GGA3: variants seen among roughly 807,000 people sequenced by gnomAD.
GGA3 encodes the protein golgi associated, gamma adaptin ear containing, ARF binding protein 3, also known as ADP-ribosylation factor-binding protein GGA3.
A neutral mutation model predicts 77.5 loss-of-function variants in GGA3; 57 were observed. The ratio of observed to expected loss-of-function variants is 0.74; its 90% CI spans 0.59 to 0.92. GGA3 has a LOEUF of 0.92. Among genes scored for constraint, GGA3 ranks in the 40% least tolerant of loss-of-function variants. GGA3 has a pLI of 0.00. For synonymous variants in GGA3, 416 were observed against 383.7 expected, an observed-to-expected ratio of 1.08 and a Z score of -0.98; for missense variants, 970 against 914.9, an observed-to-expected ratio of 1.06 and a Z score of -0.78.
At chr17:75,250,244 C>T (rs944564567) in intron 1 of GGA3, among the ~76,000 whole-genome samples, 2 of 152,212 alleles carry the variant, frequency 1.3e-5, no homozygotes, top group South Asian at 2.1e-4. Flanking sequence ...CTTGCCTTCC[C>T]GAACCGCCCC....
intron 1 of GGA3, among the ~76,000 whole-genome samples, chr17:75,252,800 C>T (rs935232681): frequency 1.3e-5 from 2 of 152,094 alleles, no homozygotes; most frequent in Non-Finnish European, 2.9e-5. Context: ...TTTGTAATCT[C>T]CCCCACCCTT....
intron 1 of GGA3, among the ~76,000 whole-genome samples, chr17:75,260,822 G>A (rs9302988): frequency 3.9e-4 from 59 of 151,640 alleles, no homozygotes; most frequent in Non-Finnish European, 1.3e-4. Context: ...ACAGCAATAC[G>A]CTTCTATAAC....
chr17:75,245,068 G>T (rs1378053363), intron 3 of GGA3, among the ~76,000 whole-genome samples: 1 of 152,224 alleles, frequency 6.6e-6, no homozygotes, highest in Non-Finnish European at 1.5e-5. Context: ...CAGGGACAAA[G>T]TTTCTCTGAC....
At chr17:75,246,195 G>T (rs976521084) in intron 3 of GGA3, among the ~76,000 whole-genome samples, 1 of 152,210 alleles carries the variant, frequency 6.6e-6, no homozygotes, top group Non-Finnish European at 1.5e-5. Context: ...TCTTCACCAA[G>T]CCTTCTCTTG....
At chr17:75,248,431 A>G (rs2076830424) in intron 1 of GGA3, among the ~76,000 whole-genome samples, 1 of 123,418 alleles carries the variant, frequency 8.1e-6, no homozygotes, top group African/African-American at 3.1e-5. Flanking sequence ...AGATCGCACC[A>G]CTGCATTCCA....
chr17:75,238,165 A>G lies in GGA3; in HGVS notation c.*114T>C. 1 of 1,495,638 alleles carries G rather than the reference A, an allele frequency of 6.7e-7. No individual in the cohort carries two copies. Among genetic ancestry groups the G allele is most frequent in the Non-Finnish European group, 8.9e-7 (1 of 1,124,438 alleles). The allele number at this position is 1,495,638 out of a possible 1,614,324, so 92.6% of individuals were successfully genotyped here. On this transcript the variant is annotated 3_prime_UTR_variant, in exon 17 of 17. Coordinates refer to ENST00000537686, the MANE Select transcript of GGA3 (RefSeq NM_138619.4). ...CAGAAATGCCCAGGGCCCCTGTTCC[A>G]CATCAAAGCTACAAGCACTGTTGTC...
chr17:75,239,994 G>A lies in GGA3; in HGVS notation c.1378C>T (p.Pro460Ser). Residue 460 changes from proline to serine, a missense_variant, in exon 13 of 17, where the codon CCA becomes TCA. Physicochemically the swap from Pro to Ser is moderately conservative, Grantham distance 74. Transcript: ENST00000537686. ...GGAGCTGGGAAGGGAGGCGGCAGTG[G>A]AGCTTGGGAGCTGCTTGAGGAGGGG... is the stretch of plus-strand genomic sequence containing the variant. ...SAPSSSSSQA[P>S]LPPPFPAPVV... 1 of 1,554,932 alleles carries A rather than the reference G, an allele frequency of 6.4e-7. No homozygotes were observed.
At chr17:75,239,125 G>A (rs377573773) in intron 14 of GGA3, 42 bp from the exon 15 acceptor site, 3 of 1,582,230 alleles carry the variant, frequency 1.9e-6, no homozygotes, top group Non-Finnish European at 2.6e-6. Flanking sequence ...CAGCACCAGA[G>A]ACACCCAACA....
chr17:75,241,030 G>T lies in GGA3; in HGVS notation c.974C>A (p.Thr325Lys), dbSNP rs755834137. ...EGNSQCSNQG[T>K]LIDLAELDTT... ...GTCCAGCTCCGCAAGGTCGATGAGCGTGCCTTGGTTACTGCACTGACTGTT... is the reference window on the plus strand; with the variant it reads ...GTCCAGCTCCGCAAGGTCGATGAGCTTGCCTTGGTTACTGCACTGACTGTT... Residue 325 changes from threonine (T) to lysine (K), a missense_variant, in exon 11 of 17, where the codon ACG (threonine) becomes AAG (lysine). Thr to Lys is a moderately conservative substitution (Grantham distance 78). Transcript: ENST00000537686. 1.4e-5 allele frequency: 22 copies of T among 1,614,082 alleles called. No individual in the cohort carries two copies. The highest frequency in any genetic ancestry group is 1.8e-5 in the Non-Finnish European group (21 of 1,179,960).
At chr17:75,261,709 G>A, upstream of GGA3, 1 of 1,168,458 alleles carries the variant, frequency 8.6e-7, no homozygotes, top group Admixed American at 2.8e-5. Context: ...GCGCCAGACT[G>A]CGACGGATAC....
chr17:75,238,370 T>C lies in GGA3; in HGVS notation c.2081A>G (p.Tyr694Cys). Residue 694 changes from tyrosine (Y) to cysteine (C), a missense_variant, in exon 17 of 17, where the codon TAT becomes TGT. Transcript: ENST00000537686. The part of the protein sequence containing the change: ...NPLKEKVRLR[Y>C]KLTFALGEQL... ...CTCCCCCAGGGCGAAGGTCAGCTTA[T>C]ACCGAAGCCGCACCTTCTCCTGTGA... 1.9e-6 allele frequency: 3 copies of C among 1,613,790 alleles called. No individual in the cohort carries two copies. Among genetic ancestry groups the C allele is most frequent in the South Asian group, 2.2e-5 (2 of 91,084 alleles).
chr17:75,261,027 C>T (rs1245855608), intron 1 of GGA3, among the ~76,000 whole-genome samples: 1 of 152,218 alleles, frequency 6.6e-6, no homozygotes, highest in Non-Finnish European at 1.5e-5. Flanking sequence ...GAATATTATT[C>T]TCACTTCAAG....
At chr17:75,254,727 C>T (rs750550224) in intron 1 of GGA3, among the ~76,000 whole-genome samples, 8 of 152,190 alleles carry the variant, frequency 5.3e-5, no homozygotes, top group Non-Finnish European at 1.0e-4. Flanking sequence ...TTCTGAGTTG[C>T]AATTCCTTAC....
intron 5 of GGA3, 37 bp from the exon 6 acceptor site, chr17:75,243,203 T>C: frequency 6.8e-7 from 1 of 1,469,942 alleles, no homozygotes; most frequent in Non-Finnish European, 9.4e-7. Flanking sequence ...ACTCAGGCTG[T>C]GGTTGCCTTG....
chr17:75,240,245 C>G (rs1442881380), intron 12 of GGA3, 97 bp downstream of exon 12: 8 of 1,159,124 alleles, frequency 6.9e-6, no homozygotes, highest in Admixed American at 4.1e-5. Flanking sequence ...CTGGCACGCT[C>G]TGGAGGGAAG....
Position 75,238,766 on chromosome 17 carries a change from AAG to A in GGA3, c.1951-6_1951-5del, listed in dbSNP as rs762090715. On this transcript the variant is annotated splice_region_variant and splice_polypyrimidine_tract_variant and intron_variant, in intron 15 of 16. Coordinates refer to ENST00000537686, the MANE Select transcript of GGA3 (RefSeq NM_138619.4). ...GCTGCAACTTCACTTTCATTGACTA[AAG>A]AGAGAGAAACTCCTTTGAAGAGAAC... 2.2e-5 allele frequency: 36 copies of A among 1,609,392 alleles called. No homozygotes were observed. The highest frequency in any genetic ancestry group is 1.1e-4 in the East Asian group (5 of 44,886).
chr17:75,256,878 T>C (rs989888640), intron 1 of GGA3, among the ~76,000 whole-genome samples: 11 of 152,110 alleles, frequency 7.2e-5, no homozygotes, highest in African/African-American at 2.7e-4. Context: ...AGGCCTTTCC[T>C]ACAGGGTCTG....
intron 1 of GGA3, 85 bp downstream of exon 1, chr17:75,261,463 G>A (rs966910394): frequency 1.2e-5 from 14 of 1,139,140 alleles, no homozygotes; most frequent in South Asian, 2.1e-5. Flanking sequence ...AGGCGACGCC[G>A]TGGAGCCCGG....
chr17:75,257,388 T>C (rs62085966), intron 1 of GGA3, among the ~76,000 whole-genome samples: 1 of 151,472 alleles, frequency 6.6e-6, no homozygotes, highest in African/African-American at 2.4e-5. Context: ...TTTACACTGC[T>C]GGTTTACACT....
Sources: allele counts gnomAD v4.1 joint callset (sites outside exome capture counted in the v4.1 genomes callset), GRCh38; gene constraint gnomAD v4.1.1; transcripts MANE v1.5; gene names NCBI Gene and HGNC (gene_info 2026-07-23, HGNC 2026-07-21).